ASAP3: variants seen among roughly 807,000 people sequenced by gnomAD.
ASAP3 encodes the protein ArfGAP with SH3 domain, ankyrin repeat and PH domain 3, also known as arf-GAP with SH3 domain, ANK repeat and PH domain-containing protein 3.
In ASAP3, 85 loss-of-function variants were observed where a neutral mutation model predicts 118.2. That is an observed-to-expected ratio of 0.72 (90% confidence interval 0.60 to 0.86). ASAP3 has a LOEUF of 0.86. ASAP3 is among the 40% of genes least tolerant of loss of function. The probability of loss-of-function intolerance (pLI) is 0.00; values close to 1 mark genes in which losing one functional copy is unlikely to be tolerated. For synonymous variants in ASAP3, 432 were observed against 477.4 expected (o/e 0.90, Z 1.24); for missense variants, 1,026 against 1,175.0 (o/e 0.87, Z 1.85).
In ASAP3 at chr1:23,441,135, T is replaced by G; in HGVS notation, c.911A>C (p.Glu304Ala). ...QHQGNKQFGTEKVGFLYKKSD... is the reference protein window; with the variant it reads ...QHQGNKQFGTAKVGFLYKKSD... ...TTTCTTGTATAGAAAGCCCACTTTC[T>G]CCGTCCCAAACTGCTTGTTGCCTTG... The change falls in exon 10 of 25, where the codon GAG becomes GCG. Residue 304 changes from glutamate (E) to alanine (A), a missense_variant. By Grantham distance (107) the Glu-to-Ala change is moderately radical (BLOSUM62 -1). Coordinates refer to ENST00000336689, the MANE Select transcript of ASAP3 (RefSeq NM_017707.4). 2 of 1,614,228 alleles carry G rather than the reference T, an allele frequency of 1.2e-6. No individual in the cohort carries two copies. The highest frequency in any genetic ancestry group is 1.7e-6 in the Non-Finnish European group (2 of 1,180,042).
intron 1 of ASAP3, among the ~76,000 whole-genome samples, chr1:23,482,658 G>A (rs986264676): frequency 1.3e-5 from 2 of 152,180 alleles, no homozygotes; most frequent in Non-Finnish European, 2.9e-5. Flanking sequence ...TTTGAAAAAA[G>A]GTCTGCCTTG....
At chr1:23,475,609 T>C (rs568040710) in intron 1 of ASAP3, among the ~76,000 whole-genome samples, 2 of 152,310 alleles carry the variant, frequency 1.3e-5, no homozygotes, top group East Asian at 3.9e-4. Context: ...CTCCTTTGAA[T>C]TCCAAACTCA....
Position 23,442,284 on chromosome 1 carries a change from C to A in ASAP3, c.586-13G>T. 2 of 1,597,986 alleles carry A rather than the reference C, an allele frequency of 1.3e-6. No individual in the cohort carries two copies. The highest frequency in any genetic ancestry group is 1.7e-6 in the Non-Finnish European group (2 of 1,172,526). ...CTTTGAGCAGATACTAGGAGGAGGGCAGGGCAAGATACGTGATGTGAGCTG... is the reference window on the plus strand; with the variant it reads ...CTTTGAGCAGATACTAGGAGGAGGGAAGGGCAAGATACGTGATGTGAGCTG... On this transcript the variant is annotated splice_polypyrimidine_tract_variant and intron_variant, in intron 6 of 24. Transcript: ENST00000336689.
chr1:23,434,432 G>A lies in ASAP3; in HGVS notation c.1836-63C>T, dbSNP rs80004504. 748 of 1,604,364 alleles carry A rather than the reference G, an allele frequency of 4.7e-4. 2 individuals carry two copies. The African/African-American group carries it at 9.0e-3, about 19-fold the overall frequency. The stretch of plus-strand genomic sequence containing the variant: ...CAGATCAATGAGGGGATCAAAGTCA[G>A]GGGAAAAAGTGGGAGGGGAAAGGAG... On this transcript the variant is annotated intron_variant, in intron 18 of 24. Coordinates refer to ENST00000336689, the MANE Select transcript of ASAP3 (RefSeq NM_017707.4).
rs530834571 is a variant in ASAP3 at position 23,435,750 on chromosome 1, T to C, written c.1749+101A>G. The C allele has an allele frequency of 2.4e-5, 32 of 1,313,464 alleles. No individual in the cohort carries two copies. In the African/African-American group the frequency reaches 4.5e-4, roughly 18 times the overall value. 81.4% of individuals were successfully genotyped at this position (1,313,464 alleles called of 1,614,324 possible). A position where few individuals can be genotyped will look rare whatever the true frequency, so the allele number is the denominator to read the frequency against. ...CTCTGATGGGTGAGATCTGAGCAGA[T>C]GTCAGAGGTGGGGTGGAGGGGAGTA... On this transcript the variant is annotated intron_variant, in intron 17 of 24. Coordinates refer to ENST00000336689, the MANE Select transcript of ASAP3 (RefSeq NM_017707.4).
chr1:23,469,551 G>A (rs929213995), intron 1 of ASAP3, among the ~76,000 whole-genome samples: 1 of 152,102 alleles, frequency 6.6e-6, no homozygotes, highest in Non-Finnish European at 1.5e-5. Flanking sequence ...GGCATGACAG[G>A]GTGATAGGAA....
chr1:23,463,400 A>T (rs954364594), intron 1 of ASAP3, among the ~76,000 whole-genome samples: 1 of 152,044 alleles, frequency 6.6e-6, no homozygotes, highest in African/African-American at 2.4e-5. Flanking sequence ...ACACACTCAT[A>T]AAAAAATTTA....
chr1:23,482,951 C>CA (rs142019878), intron 1 of ASAP3, among the ~76,000 whole-genome samples: 13,469 of 132,788 alleles, frequency 0.1, 911 homozygotes, highest in Middle Eastern at 0.21. Context: ...GACTCCGTCT[C>CA]AAAAAAAAAA....
intron 10 of ASAP3, among the ~76,000 whole-genome samples, chr1:23,440,823 TCCAGC>T (rs1640843444): frequency 7.2e-6 from 1 of 139,374 alleles, no homozygotes; most frequent in African/African-American, 2.7e-5. Flanking sequence ...GGCACTGCAC[TCCAGC>T]CTGGGCGACA....
At chr1:23,463,666 A>G (rs1641667903) in intron 1 of ASAP3, among the ~76,000 whole-genome samples, 1 of 152,162 alleles carries the variant, frequency 6.6e-6, no homozygotes, top group Non-Finnish European at 1.5e-5. Flanking sequence ...CAATGGCACA[A>G]TCTCGGCTCA....
At chr1:23,476,362 A>G (rs1178375597) in intron 1 of ASAP3, among the ~76,000 whole-genome samples, 1 of 151,978 alleles carries the variant, frequency 6.6e-6, no homozygotes, top group Non-Finnish European at 1.5e-5. Flanking sequence ...ACAAAAAAAA[A>G]AAAGAAAAAA....
rs1172330542 is a variant in ASAP3, at chr1:23,468,870, C to CA, written c.130-12677dup. ...TGGGTGACAGAGTGAGACTCCATCT[C>CA]AAAAAAAAAAAAAAAAAAAAAGTAC... is the stretch of plus-strand genomic sequence containing the variant. On this transcript the variant is annotated intron_variant, in intron 1 of 24. Coordinates refer to ENST00000336689, the MANE Select transcript of ASAP3 (RefSeq NM_017707.4). 5.7e-3 allele frequency among the ~76,000 whole-genome samples: 268 copies of CA among 47,172 alleles called. 2 individuals carry two copies. The highest frequency in any genetic ancestry group is 0.013 in the Admixed American group (52 of 4,148). The allele number at this position is 47,172 out of a possible 152,430, so 30.9% of individuals were successfully genotyped here. A position where few individuals can be genotyped will look rare whatever the true frequency, so the allele number is the denominator to read the frequency against.
intron 5 of ASAP3, among the ~76,000 whole-genome samples, chr1:23,443,938 G>A (rs1375076391): frequency 1.3e-5 from 2 of 152,046 alleles, no homozygotes; most frequent in African/African-American, 2.4e-5. Context: ...AGCCAGGATG[G>A]TCTTGATCTC....
intron 10 of ASAP3, among the ~76,000 whole-genome samples, chr1:23,439,494 A>T (rs973271289): frequency 1.3e-5 from 2 of 152,130 alleles, no homozygotes; most frequent in Non-Finnish European, 2.9e-5. Context: ...TTCTAAGGGG[A>T]TGATGTGACT....
intron 1 of ASAP3, among the ~76,000 whole-genome samples, chr1:23,481,267 C>G (rs953966863): frequency 2.6e-5 from 4 of 152,110 alleles, no homozygotes; most frequent in Admixed American, 6.5e-5. Flanking sequence ...GCTGCGAGTC[C>G]CAGGACAGGG....
intron 1 of ASAP3, among the ~76,000 whole-genome samples, chr1:23,457,360 T>C (rs1370167686): frequency 6.6e-6 from 1 of 152,104 alleles, no homozygotes; most frequent in East Asian, 1.9e-4. Context: ...CTGCCAAAGA[T>C]TCAAAATGAT....
At chr1:23,451,415 G>A (rs1641209840) in intron 5 of ASAP3, 64 bp downstream of exon 5, 3 of 1,542,006 alleles carry the variant, frequency 1.9e-6, no homozygotes, top group Non-Finnish European at 2.7e-6. Flanking sequence ...CAGCATTTAG[G>A]TTCTTCCCTA....
In ASAP3 at chr1:23,434,591, C is replaced by T; in HGVS notation, c.1777G>A (p.Ala593Thr). Residue 593 changes from alanine to threonine, a missense_variant, in exon 18 of 25, where the codon GCT becomes ACT. Physicochemically the swap from Ala to Thr is moderately conservative, Grantham distance 58. Transcript: ENST00000336689. ...GAAGCCTGGTTGGCGACTTTGACAGCCAAATGCAAGACGAGTTCTTCAGGT... is the reference window on the plus strand; with the variant it reads ...GAAGCCTGGTTGGCGACTTTGACAGTCAAATGCAAGACGAGTTCTTCAGGT... ...QAPEELVLHL[A>T]VKVANQASLP... 1 of 1,614,110 alleles carries T rather than the reference C, an allele frequency of 6.2e-7. No individual in the cohort carries two copies. The highest frequency in any genetic ancestry group is 1.7e-5 in the Admixed American group (1 of 60,020).
chr1:23,469,419 G>A (rs1474058234), intron 1 of ASAP3, among the ~76,000 whole-genome samples: 2 of 152,178 alleles, frequency 1.3e-5, no homozygotes, highest in African/African-American at 4.8e-5. Flanking sequence ...GTGATGGGGT[G>A]CTCCTGAAGG....
Sources: allele counts gnomAD v4.1 joint callset (sites outside exome capture counted in the v4.1 genomes callset), GRCh38; gene constraint gnomAD v4.1.1; transcripts MANE v1.5; gene names NCBI Gene and HGNC (gene_info 2026-07-23, HGNC 2026-07-21).